The following LDLRAP1 variants were observed in gnomAD, a reference collection of about 807,000 sequenced individuals.
LDLRAP1 encodes the protein low density lipoprotein receptor adapter protein 1.
A neutral mutation model predicts 37.8 loss-of-function variants in LDLRAP1; 30 were observed. That is an observed-to-expected ratio of 0.79 (90% CI 0.59 to 1.08). The LOEUF is 1.08. LDLRAP1 is among the 50% of genes least tolerant of loss of function. LDLRAP1 has a pLI of 0.00. For missense variants in LDLRAP1, 375 were observed against 401.6 expected (o/e 0.93, Z 0.57); for synonymous variants, 156 against 169.8 (o/e 0.92, Z 0.63).
At chr1:25,583,530 T>C in the LDLRAP1 span, among the ~76,000 whole-genome samples, 1 of 152,168 alleles carries the variant, frequency 6.6e-6, no homozygotes, top group African/African-American at 2.4e-5. Flanking sequence ...TATTCTGTTG[T>C]TTGCAAATAA....
chr1:25,562,749 G>C (rs754353618), intron 5 of LDLRAP1, 33 bp downstream of exon 5: 2 of 1,587,452 alleles, frequency 1.3e-6, no homozygotes, highest in African/African-American at 2.7e-5. Flanking sequence ...TGGGTGTGGT[G>C]GGAGGTGGGG....
intron 8 of LDLRAP1, 85 bp downstream of exon 8, chr1:25,565,292 G>C: frequency 4.1e-6 from 6 of 1,473,578 alleles, no homozygotes; most frequent in Non-Finnish European, 4.7e-6. Flanking sequence ...CCTTTCCCCT[G>C]ATTAAGAACA....
At position 25,565,155 on chromosome 1, in the gene LDLRAP1, T is replaced by C. The variant is rs751304096; in HGVS notation, c.748-18T>C. ...TCCCCCAAACATAGTTCTTATCTCCTGCTTTGTTTTCCCCAAGGAGCTGGA... is the reference window on the plus strand; with the variant it reads ...TCCCCCAAACATAGTTCTTATCTCCCGCTTTGTTTTCCCCAAGGAGCTGGA... On this transcript the variant is annotated intron_variant, in intron 7 of 8. Coordinates refer to ENST00000374338, the MANE Select transcript of LDLRAP1 (RefSeq NM_015627.3). The C allele has an allele frequency of 3.1e-6, 5 of 1,613,856 alleles. No homozygotes were observed. The highest frequency in any genetic ancestry group is 1.7e-5 in the Admixed American group (1 of 60,012).
Position 25,554,124 on chromosome 1 carries a change from G to A in LDLRAP1, c.231+60G>A. 1.2e-6 allele frequency: 2 copies of A among 1,600,724 alleles called. No individual in the cohort carries two copies. Among genetic ancestry groups the A allele is most frequent in the Non-Finnish European group, 1.7e-6 (2 of 1,174,662 alleles). On this transcript the variant is annotated intron_variant, in intron 2 of 8. Transcript: ENST00000374338. This position sits in a 1 kb window ranked among gnomAD's most constrained non-coding sequence, Gnocchi z 5.4. ...GGGACCAAGGACCAGCTTCTTCCCA[G>A]GGTGCCCTCGTCCCAGCTTGTTACT...
intron 1 of LDLRAP1, among the ~76,000 whole-genome samples, chr1:25,549,805 G>A (rs758720105): frequency 5.3e-5 from 8 of 152,216 alleles, no homozygotes; most frequent in Non-Finnish European, 8.8e-5. Context: ...AGAGCTCCCA[G>A]GTGCTGGTTT....
chr1:25,578,875 G>T, the LDLRAP1 span, among the ~76,000 whole-genome samples: 5 of 152,252 alleles, frequency 3.3e-5, no homozygotes, highest in East Asian at 7.7e-4. Flanking sequence ...TGAGGGTTTT[G>T]TCTTTAAAGC....
At chr1:25,552,391 C>T (rs2044092287) in intron 1 of LDLRAP1, among the ~76,000 whole-genome samples, 1 of 152,210 alleles carries the variant, frequency 6.6e-6, no homozygotes, top group Admixed American at 6.5e-5. Flanking sequence ...CAGGACATCT[C>T]CCAGCCCCTC....
intron 8 of LDLRAP1, among the ~76,000 whole-genome samples, chr1:25,565,558 T>C (rs2044457464): frequency 6.6e-6 from 1 of 151,870 alleles, no homozygotes; most frequent in African/African-American, 2.4e-5. Context: ...TTTTTTTTTT[T>C]ACAGGCTTTG....
chr1:25,553,010 C>T (rs983691663), intron 1 of LDLRAP1, among the ~76,000 whole-genome samples: 1 of 152,164 alleles, frequency 6.6e-6, no homozygotes, highest in East Asian at 1.9e-4. Context: ...GAACCTTCTC[C>T]GATTTGGGAA....
Position 25,563,690 on chromosome 1 carries a change from G to C in LDLRAP1, c.646G>C (p.Glu216Gln), listed in dbSNP as rs2044402302. The C allele has an allele frequency of 6.2e-7, 1 of 1,613,918 alleles. No homozygotes were observed. The highest frequency in any genetic ancestry group is 1.7e-4 in the Middle Eastern group (1 of 6,060). ...LVATGNLLDLEETAKAPLSTV... is the reference protein window; with the variant it reads ...LVATGNLLDLQETAKAPLSTV... Reference sequence around the variant, plus strand: ...CGCCACTGGGAACCTGCTGGACTTAGAGGAGACAGCTAAGGCCCCGCTGTC... The same window carrying C: ...CGCCACTGGGAACCTGCTGGACTTACAGGAGACAGCTAAGGCCCCGCTGTC... Residue 216 changes from glutamate (E) to glutamine (Q), a missense_variant, in exon 7 of 9, where the codon GAG becomes CAG. Glu to Gln is a conservative substitution (Grantham distance 29, BLOSUM62 2). Transcript: ENST00000374338.
the LDLRAP1 span, among the ~76,000 whole-genome samples, chr1:25,582,866 G>A: frequency 1.3e-5 from 2 of 151,984 alleles, no homozygotes; most frequent in Non-Finnish European, 2.9e-5. Flanking sequence ...GAGGTTAGAA[G>A]TTCGAGACCA....
the LDLRAP1 span, among the ~76,000 whole-genome samples, chr1:25,583,418 T>G: frequency 1.3e-5 from 2 of 151,928 alleles, no homozygotes; most frequent in Non-Finnish European, 2.9e-5. Flanking sequence ...GTCTCGAACT[T>G]CTGACCTCAA....
intron 1 of LDLRAP1, among the ~76,000 whole-genome samples, chr1:25,546,150 TGTGGGG>T (rs1338402286): frequency 1.3e-5 from 2 of 152,062 alleles, no homozygotes; most frequent in Non-Finnish European, 2.9e-5. Flanking sequence ...CCATGGGGTA[TGTGGGG>T]GTGGGGGTGC....
chr1:25,549,772 G>A (rs1465878908), intron 1 of LDLRAP1, among the ~76,000 whole-genome samples: 1 of 152,188 alleles, frequency 6.6e-6, no homozygotes, highest in Non-Finnish European at 1.5e-5. Flanking sequence ...GTGGCCCTGA[G>A]CCCTACCAAT....
At chr1:25,570,813 C>T (rs1416123607), downstream of LDLRAP1, among the ~76,000 whole-genome samples, 5 of 152,174 alleles carry the variant, frequency 3.3e-5, no homozygotes, top group African/African-American at 2.4e-5. Context: ...GAGCCGAGAT[C>T]GGGCCACTAC....
rs540726468 is a variant in LDLRAP1 at position 25,543,634 on chromosome 1, C to G, written c.-65C>G. ...GCGCGCAGCCCGCGCGCCGCAGGGC[C>G]GGGCGGAAAGTTTTTCCTGACGGAG... On this transcript the variant is annotated 5_prime_UTR_variant, in exon 1 of 9. Transcript: ENST00000374338. 67 of 1,128,340 alleles carry G rather than the reference C, an allele frequency of 5.9e-5. No homozygotes were observed. Among genetic ancestry groups the G allele is most frequent in the South Asian group, 4.4e-4 (10 of 22,780 alleles). The allele number at this position is 1,128,340 out of a possible 1,614,324, so 69.9% of individuals were successfully genotyped here. A position where few individuals can be genotyped will look rare whatever the true frequency, so the allele number is the denominator to read the frequency against.
intron 1 of LDLRAP1, among the ~76,000 whole-genome samples, chr1:25,548,460 G>A (rs2043992403): frequency 6.8e-6 from 1 of 147,220 alleles, no homozygotes; most frequent in Non-Finnish European, 1.5e-5. Context: ...TGATTCTCCT[G>A]CCTCAGCCTC....
chr1:25,583,752 C>T, the LDLRAP1 span, among the ~76,000 whole-genome samples: 2 of 152,034 alleles, frequency 1.3e-5, no homozygotes, highest in Non-Finnish European at 2.9e-5. Context: ...CATCCCTATC[C>T]ATTAGAAACC....
intron 4 of LDLRAP1, among the ~76,000 whole-genome samples, chr1:25,558,035 C>T (rs959361572): frequency 1.3e-5 from 2 of 152,146 alleles, no homozygotes; most frequent in African/African-American, 4.8e-5. Flanking sequence ...TTCCAGGACA[C>T]CCCCTGACCA....
Sources: allele counts gnomAD v4.1 joint callset (sites outside exome capture counted in the v4.1 genomes callset), GRCh38; gene constraint gnomAD v4.1.1; non-coding constraint Gnocchi (gnomAD v3.1); transcripts MANE v1.5; gene names NCBI Gene and HGNC (gene_info 2026-07-23, HGNC 2026-07-21).